The following CNTN5 variants were observed in gnomAD, a reference collection of about 807,000 sequenced individuals.
CNTN5 encodes the protein contactin-5.
In CNTN5, 77 loss-of-function variants were observed where a neutral mutation model predicts 129.1. The observed-to-expected ratio is 0.60, with a 90% CI of 0.50 to 0.72. CNTN5 has a LOEUF of 0.72. Among genes scored for constraint, CNTN5 ranks in the 30% least tolerant of loss-of-function variants. The probability of loss-of-function intolerance (pLI) is 0.00; values close to 1 mark genes in which losing one functional copy is unlikely to be tolerated. For synonymous variants in CNTN5, 509 were observed against 465.6 expected (o/e 1.09, Z -1.20); for missense variants, 1,478 against 1,328.8 (o/e 1.11, Z -1.75).
chr11:100,104,170 C>T (rs1050133164), intron 13 of CNTN5, among the ~76,000 whole-genome samples: 2 of 150,356 alleles, frequency 1.3e-5, no homozygotes, highest in African/African-American at 4.9e-5. Flanking sequence ...TCTCCGCTCA[C>T]TGCAACTTCC....
intron 13 of CNTN5, among the ~76,000 whole-genome samples, chr11:100,104,539 T>C (rs1026763463): frequency 1.3e-5 from 2 of 152,176 alleles, no homozygotes; most frequent in African/African-American, 4.8e-5. Flanking sequence ...GCATATATCA[T>C]CAAATTTAAT....
intron 3 of CNTN5, among the ~76,000 whole-genome samples, chr11:99,613,367 C>T (rs1258784982): frequency 6.6e-6 from 1 of 152,154 alleles, no homozygotes; most frequent in African/African-American, 2.4e-5. Context: ...GAGAAGGGTC[C>T]TTGCTTCTCT....
At chr11:99,141,329 T>C (rs1034551127) in intron 1 of CNTN5, among the ~76,000 whole-genome samples, 2 of 152,116 alleles carry the variant, frequency 1.3e-5, no homozygotes, top group Non-Finnish European at 1.5e-5. Flanking sequence ...TTTTCATTTA[T>C]TTCTTTGAGG....
intron 1 of CNTN5, among the ~76,000 whole-genome samples, chr11:99,083,882 T>A (rs1412987164): frequency 1.3e-5 from 2 of 152,158 alleles, no homozygotes; most frequent in African/African-American, 4.8e-5. Context: ...AATGGCCCTC[T>A]CTCTAGGGTT....
At chr11:99,678,912 C>G (rs921083102) in intron 3 of CNTN5, among the ~76,000 whole-genome samples, 1 of 150,634 alleles carries the variant, frequency 6.6e-6, no homozygotes, top group Non-Finnish European at 1.5e-5. Flanking sequence ...TCCATTCCAA[C>G]CACTGTCTCT....
chr11:99,746,063 T>C (rs549685834), intron 3 of CNTN5, among the ~76,000 whole-genome samples: 3 of 152,300 alleles, frequency 2.0e-5, no homozygotes, highest in African/African-American at 7.2e-5. Context: ...ATGTGACCAC[T>C]ACCACATCAA....
chr11:99,703,877 T>A (rs961883529), intron 3 of CNTN5, among the ~76,000 whole-genome samples: 5 of 151,032 alleles, frequency 3.3e-5, no homozygotes, highest in African/African-American at 1.2e-4. Context: ...TTATAGTGCA[T>A]GAGCTATATA....
intron 18 of CNTN5, among the ~76,000 whole-genome samples, chr11:100,284,867 T>C (rs956740310): frequency 6.6e-6 from 1 of 152,228 alleles, no homozygotes; most frequent in Non-Finnish European, 1.5e-5. Flanking sequence ...TGTGTATGTA[T>C]CTTTTAAAGA....
chr11:99,591,284 C>G (rs1372648536), intron 3 of CNTN5, among the ~76,000 whole-genome samples: 1 of 151,958 alleles, frequency 6.6e-6, no homozygotes, highest in Non-Finnish European at 1.5e-5. Context: ...CTTCTCCTCT[C>G]CACCAGACAT....
intron 3 of CNTN5, among the ~76,000 whole-genome samples, chr11:99,624,286 C>T (rs1951054989): frequency 1.3e-5 from 2 of 151,906 alleles, no homozygotes; most frequent in Non-Finnish European, 2.9e-5. Flanking sequence ...AAAAGTGAAA[C>T]ATTTTCAAAT....
intron 3 of CNTN5, among the ~76,000 whole-genome samples, chr11:99,705,516 G>C (rs1057486896): frequency 6.6e-6 from 1 of 151,268 alleles, no homozygotes; most frequent in African/African-American, 2.4e-5. Flanking sequence ...TTCTGTACTT[G>C]GTTGGTTATT....
intron 2 of CNTN5, among the ~76,000 whole-genome samples, chr11:99,529,014 G>A (rs1377743973): frequency 4.6e-5 from 7 of 152,280 alleles, no homozygotes; most frequent in Non-Finnish European, 8.8e-5. Context: ...GGCAGAGGTT[G>A]CAGTGAGCCA....
chr11:99,275,625 G>T (rs1318832087), intron 1 of CNTN5, among the ~76,000 whole-genome samples: 3 of 151,602 alleles, frequency 2.0e-5, no homozygotes, highest in Non-Finnish European at 4.4e-5. Flanking sequence ...TGTGAGTAGG[G>T]TGTATATATT....
intron 3 of CNTN5, among the ~76,000 whole-genome samples, chr11:99,739,759 G>C (rs541922509): frequency 6.6e-6 from 1 of 152,152 alleles, no homozygotes; most frequent in East Asian, 1.9e-4. Flanking sequence ...TCCATTTAAA[G>C]AGATTTTTGT....
intron 3 of CNTN5, among the ~76,000 whole-genome samples, chr11:99,800,667 TATC>T (rs756670702): frequency 6.9e-4 from 105 of 152,188 alleles, no homozygotes; most frequent in Admixed American, 1.8e-3. Context: ...TTGAACTTTT[TATC>T]ATTATGTAAT....
At chr11:99,820,041 G>A (rs189178393) in intron 4 of CNTN5, among the ~76,000 whole-genome samples, 3 of 152,296 alleles carry the variant, frequency 2.0e-5, no homozygotes, top group East Asian at 3.9e-4. Flanking sequence ...GAGACTGGGA[G>A]ATAGAGAACC....
At chr11:99,771,110 T>A (rs780568383) in intron 3 of CNTN5, among the ~76,000 whole-genome samples, 20 of 152,224 alleles carry the variant, frequency 1.3e-4, no homozygotes, top group Non-Finnish European at 2.4e-4. Context: ...TATCATATCA[T>A]TTCATACCTG....
intron 13 of CNTN5, among the ~76,000 whole-genome samples, chr11:100,121,438 T>C (rs999199138): frequency 6.6e-6 from 1 of 151,718 alleles, no homozygotes; most frequent in African/African-American, 2.4e-5. Context: ...GTGACCAGAC[T>C]GTAGACAGAT....
intron 13 of CNTN5, among the ~76,000 whole-genome samples, chr11:100,104,433 G>T (rs1255135454): frequency 6.6e-6 from 1 of 151,626 alleles, no homozygotes; most frequent in Admixed American, 6.6e-5. Flanking sequence ...GTGTCATTAG[G>T]TACTATAAGC....
Sources: gnomAD v4.1 joint callset for allele counts (sites outside exome capture counted in the v4.1 genomes callset) on GRCh38, gnomAD v4.1.1 for gene constraint, MANE v1.5 for transcripts, NCBI Gene and HGNC (gene_info 2026-07-23, HGNC 2026-07-21) for gene names.